Variants in PARD3B observed in about 807,000 individuals in gnomAD.
PARD3B encodes partitioning defective 3 homolog B.
PARD3B carries 103 observed loss-of-function variants against 130.2 expected under a neutral mutation model. That is an observed-to-expected ratio of 0.79 (90% CI 0.67 to 0.93). The LOEUF (loss-of-function observed/expected upper bound fraction) is 0.93, where lower values mean the gene tolerates loss of function less well. Among genes scored for constraint, PARD3B ranks in the 40% least tolerant of loss-of-function variants. The probability of loss-of-function intolerance (pLI) is 0.00; values close to 1 mark genes in which losing one functional copy is unlikely to be tolerated. For missense variants in PARD3B, 1,609 were observed against 1,499.2 expected (o/e 1.07, Z -1.21); for synonymous variants, 583 against 553.2 (o/e 1.05, Z -0.76).
intron 19 of PARD3B, among the ~76,000 whole-genome samples, chr2:205,437,729 A>G (rs1339162045): frequency 6.6e-6 from 1 of 152,194 alleles, no homozygotes; most frequent in Non-Finnish European, 1.5e-5. Context: ...TATGGAGAAA[A>G]GAAGCAGCAA....
In PARD3B at chr2:204,606,404, T is replaced by C. The variant is rs932980638; in HGVS notation, c.120+60285T>C. ...TGAGTCAATAAGGGGATCTGTTGAC[T>C]GTATCAGTCAGGGTCCCTGGCTGAT... On this transcript the variant is annotated intron_variant, in intron 1 of 22. Transcript: ENST00000406610. This position sits in a 1 kb window ranked among gnomAD's most constrained non-coding sequence, Gnocchi z 4.0. Among the ~76,000 whole-genome samples the C allele has an allele frequency of 1.3e-5, 2 of 152,172 alleles. No homozygotes were observed. The highest frequency in any genetic ancestry group is 2.9e-5 in the Non-Finnish European group (2 of 68,016).
rs1008284853 is a variant in PARD3B, at chr2:205,142,610, T to C, written c.1435-16112T>C. Among the ~76,000 whole-genome samples, 2 of 152,146 alleles carry C rather than the reference T, an allele frequency of 1.3e-5. No individual in the cohort carries two copies. The highest frequency in any genetic ancestry group is 2.9e-5 in the Non-Finnish European group (2 of 68,030). On this transcript the variant is annotated intron_variant, in intron 10 of 22. Coordinates refer to ENST00000406610, the MANE Select transcript of PARD3B (RefSeq NM_001302769.2). The surrounding 1 kb of genome is among the most constrained non-coding windows in gnomAD (Gnocchi z 4.3). Reference sequence around the variant, plus strand: ...AAGATAGACAGGCAACCAGGCACAGTGGCTCACGCCTGTAATCCCAACACT... The same window carrying C: ...AAGATAGACAGGCAACCAGGCACAGCGGCTCACGCCTGTAATCCCAACACT...
At chr2:205,578,109 T>A (rs766578197) in intron 22 of PARD3B, among the ~76,000 whole-genome samples, 1 of 152,180 alleles carries the variant, frequency 6.6e-6, no homozygotes, top group East Asian at 1.9e-4. Flanking sequence ...ACAAGGGCCC[T>A]GCTCATTGGC....
intron 20 of PARD3B, among the ~76,000 whole-genome samples, chr2:205,468,906 C>A (rs1262758464): frequency 6.6e-6 from 1 of 151,832 alleles, no homozygotes; most frequent in Non-Finnish European, 1.5e-5. Context: ...AGGAGACCAA[C>A]CTTAGCTGCA....
intron 3 of PARD3B, among the ~76,000 whole-genome samples, chr2:205,010,430 G>C (rs986441): frequency 6.6e-6 from 1 of 152,008 alleles, no homozygotes; most frequent in Admixed American, 6.5e-5. Flanking sequence ...CTTGGGCTGC[G>C]TTCTCTTTAT....
intron 2 of PARD3B, among the ~76,000 whole-genome samples, chr2:204,736,997 G>C (rs1435245548): frequency 6.6e-6 from 1 of 152,130 alleles, no homozygotes; most frequent in East Asian, 1.9e-4. Flanking sequence ...GCCCAGGCTG[G>C]AGTGCAATGG....
chr2:204,658,605 C>T (rs113365227), intron 1 of PARD3B, among the ~76,000 whole-genome samples: 4,104 of 152,268 alleles, frequency 0.027, 81 homozygotes, highest in Middle Eastern at 0.071. Flanking sequence ...ACCTCTAGAA[C>T]AGGCATTCAA....
chr2:205,159,372 A>C (rs1167257103), intron 11 of PARD3B, among the ~76,000 whole-genome samples: 1 of 152,230 alleles, frequency 6.6e-6, no homozygotes. Flanking sequence ...GAAGAAAACC[A>C]TGGTGCCCAG....
At chr2:204,699,391 C>T (rs1319248079) in intron 2 of PARD3B, among the ~76,000 whole-genome samples, 16 of 152,138 alleles carry the variant, frequency 1.1e-4, no homozygotes, top group African/African-American at 3.1e-4. Flanking sequence ...ATCACAATCA[C>T]TCCTTTCTGA....
intron 2 of PARD3B, among the ~76,000 whole-genome samples, chr2:204,855,209 G>A (rs1259038635): frequency 6.6e-6 from 1 of 152,054 alleles, no homozygotes; most frequent in Admixed American, 6.6e-5. Flanking sequence ...CACAGTGCAC[G>A]ACTCTAAAAA....
intron 10 of PARD3B, among the ~76,000 whole-genome samples, chr2:205,150,227 G>GTGTGTGTGTGTGTGTGTGTGTGTGTGTT (rs2125693300): frequency 8.4e-6 from 1 of 118,780 alleles, no homozygotes; most frequent in African/African-American, 3.1e-5. Flanking sequence ...GTGTGTGTGT[G>GTGTGTGTGTGTGTGTGTGTGTGTGTGTT]TGTGTGTGTG....
At chr2:204,998,085 G>A (rs935055764) in intron 3 of PARD3B, among the ~76,000 whole-genome samples, 2 of 149,210 alleles carry the variant, frequency 1.3e-5, no homozygotes, top group East Asian at 1.9e-4. Flanking sequence ...CAGTACTGGA[G>A]ATCTTAACAT....
chr2:205,130,949 G>A (rs1303218291), intron 10 of PARD3B, among the ~76,000 whole-genome samples: 1 of 152,044 alleles, frequency 6.6e-6, no homozygotes, highest in Non-Finnish European at 1.5e-5. Context: ...ACACTGTCAT[G>A]GTTACCTGTC....
intron 2 of PARD3B, among the ~76,000 whole-genome samples, chr2:204,818,037 C>T (rs2125538386): frequency 6.6e-6 from 1 of 152,240 alleles, no homozygotes; most frequent in South Asian, 2.1e-4. Flanking sequence ...TACGCCCAAA[C>T]TGTCCCTCTT....
intron 3 of PARD3B, among the ~76,000 whole-genome samples, chr2:204,972,398 A>G (rs1361448452): frequency 6.6e-6 from 1 of 152,160 alleles, no homozygotes; most frequent in East Asian, 1.9e-4. Flanking sequence ...AAAAATTACC[A>G]CCATCCTAAC....
rs193243444 is a variant in PARD3B, at chr2:204,607,481, C to T, written c.120+61362C>T. On this transcript the variant is annotated intron_variant, in intron 1 of 22. Transcript: ENST00000406610. ...TGAATATGTTAGCTGAGTAAGGCTTCTGTTAAACTTGTTAAGTTGCCAACA... is the reference window on the plus strand; with the variant it reads ...TGAATATGTTAGCTGAGTAAGGCTTTTGTTAAACTTGTTAAGTTGCCAACA... Among the ~76,000 whole-genome samples the T allele has an allele frequency of 5.0e-3, 756 of 152,252 alleles. 1 individual carries two copies. Among genetic ancestry groups the T allele is most frequent in the Non-Finnish European group, 8.3e-3 (565 of 68,024 alleles).
chr2:204,956,538 GTGTGTA>G (rs1442395369), intron 2 of PARD3B, among the ~76,000 whole-genome samples: 27 of 151,754 alleles, frequency 1.8e-4, no homozygotes, highest in Non-Finnish European at 2.7e-4. Context: ...GTGTGTGTGT[GTGTGTA>G]TGTGTGTCCA....
At chr2:205,359,827 C>A (rs2105875263) in intron 18 of PARD3B, among the ~76,000 whole-genome samples, 1 of 152,270 alleles carries the variant, frequency 6.6e-6, no homozygotes, top group Non-Finnish European at 1.5e-5. Flanking sequence ...AAGAAACATC[C>A]TCATACGTGC....
At chr2:204,784,502 G>A (rs564014411) in intron 2 of PARD3B, among the ~76,000 whole-genome samples, 1 of 152,224 alleles carries the variant, frequency 6.6e-6, no homozygotes, top group South Asian at 2.1e-4. Flanking sequence ...CCCAATGTGG[G>A]GACATGGCAT....
Sources: allele counts gnomAD v4.1 joint callset (sites outside exome capture counted in the v4.1 genomes callset), GRCh38; gene constraint gnomAD v4.1.1; non-coding constraint Gnocchi (gnomAD v3.1); transcripts MANE v1.5; gene names NCBI Gene and HGNC (gene_info 2026-07-23, HGNC 2026-07-21).